The following RPS6KC1 variants were observed in gnomAD, a reference collection of about 807,000 sequenced individuals.
The protein encoded by RPS6KC1 is inactive ribosomal protein S6 kinase delta-1.
Under a neutral mutation model 103.8 loss-of-function variants are expected in RPS6KC1, and 54 were observed. The observed-to-expected ratio is 0.52, with a 90% CI of 0.42 to 0.65. The LOEUF (loss-of-function observed/expected upper bound fraction) is 0.65, where lower values mean the gene tolerates loss of function less well. Among genes scored for constraint, RPS6KC1 ranks in the 30% least tolerant of loss-of-function variants. The probability of loss-of-function intolerance (pLI) is 0.00; values close to 1 mark genes in which losing one functional copy is unlikely to be tolerated. For missense variants in RPS6KC1, 1,151 were observed against 1,253.8 expected, an observed-to-expected ratio of 0.92 and a Z score of 1.24; for synonymous variants, 439 against 438.7, an observed-to-expected ratio of 1.00 and a Z score of -0.01.
the RPS6KC1 span, among the ~76,000 whole-genome samples, chr1:213,610,635 C>T: frequency 4.6e-5 from 7 of 152,162 alleles, no homozygotes; most frequent in Non-Finnish European, 1.0e-4. Flanking sequence ...AAGTTTATTC[C>T]TATCCTGGAA....
intron 6 of RPS6KC1, among the ~76,000 whole-genome samples, chr1:213,140,338 T>A (rs1218058999): frequency 6.6e-6 from 1 of 152,136 alleles, no homozygotes; most frequent in Non-Finnish European, 1.5e-5. Context: ...TTCTTTGTCT[T>A]GCCTGATTGT....
intron 5 of RPS6KC1, among the ~76,000 whole-genome samples, chr1:213,124,815 G>A (rs1021559177): frequency 6.6e-6 from 1 of 152,068 alleles, no homozygotes; most frequent in Non-Finnish European, 1.5e-5. Context: ...TGTGGTCGAG[G>A]AGATATGGTA....
the RPS6KC1 span, among the ~76,000 whole-genome samples, chr1:213,292,295 A>G: frequency 6.6e-6 from 1 of 152,136 alleles, no homozygotes. Context: ...AAAACAAAAA[A>G]AACATGTTGA....
intron 6 of RPS6KC1, among the ~76,000 whole-genome samples, chr1:213,167,440 ACAC>A (rs2091066017): frequency 4.1e-5 from 1 of 24,216 alleles, no homozygotes; most frequent in Admixed American, 6.1e-4. Flanking sequence ...AAGGTTGAAA[ACAC>A]ACACACACAC....
At chr1:213,809,008 T>C in the RPS6KC1 span, among the ~76,000 whole-genome samples, 1 of 152,260 alleles carries the variant, frequency 6.6e-6, no homozygotes, top group South Asian at 2.1e-4. Flanking sequence ...TTCCTTGCAT[T>C]CACAACTTCT....
intron 1 of RPS6KC1, among the ~76,000 whole-genome samples, chr1:213,056,620 G>A (rs189814114): frequency 2.6e-5 from 4 of 152,142 alleles, no homozygotes; most frequent in Non-Finnish European, 4.4e-5. Flanking sequence ...GCTTCAAATC[G>A]AAGCACTATT....
the RPS6KC1 span, among the ~76,000 whole-genome samples, chr1:213,740,151 T>C: frequency 6.6e-6 from 1 of 152,156 alleles, no homozygotes; most frequent in African/African-American, 2.4e-5. Context: ...CATTTTCTTT[T>C]GAGTATCACA....
chr1:213,801,783 G>A, the RPS6KC1 span, among the ~76,000 whole-genome samples: 1 of 152,204 alleles, frequency 6.6e-6, no homozygotes, highest in Non-Finnish European at 1.5e-5. Flanking sequence ...AAAGATAGGA[G>A]CCAAGGATTT....
At chr1:213,198,077 A>G (rs1164090523) in intron 8 of RPS6KC1, among the ~76,000 whole-genome samples, 1 of 151,598 alleles carries the variant, frequency 6.6e-6, no homozygotes, top group Non-Finnish European at 1.5e-5. Context: ...AGAAGGTTGT[A>G]TTTTGGTGTA....
the RPS6KC1 span, among the ~76,000 whole-genome samples, chr1:213,691,006 A>G: frequency 6.6e-6 from 1 of 151,960 alleles, no homozygotes; most frequent in Non-Finnish European, 1.5e-5. Context: ...AGCAAGAGAG[A>G]GTGTGAGAGA....
the RPS6KC1 span, among the ~76,000 whole-genome samples, chr1:213,545,092 G>A: frequency 7.6e-4 from 115 of 152,242 alleles, no homozygotes; most frequent in Non-Finnish European, 1.4e-3. Flanking sequence ...TCAGCTGGGC[G>A]CTCTGGCTAA....
At chr1:213,421,995 C>G in the RPS6KC1 span, among the ~76,000 whole-genome samples, 5,822 of 152,308 alleles carry the variant, frequency 0.038, 125 homozygotes, top group African/African-American at 0.057. Context: ...ACTAAACTTA[C>G]TCACTTTTTT....
At chr1:213,172,145 C>T (rs1468558760) in intron 7 of RPS6KC1, among the ~76,000 whole-genome samples, 1 of 152,110 alleles carries the variant, frequency 6.6e-6, no homozygotes. Flanking sequence ...TTCTTTTTAA[C>T]AAGATCATCA....
At chr1:213,714,945 AG>A in the RPS6KC1 span, among the ~76,000 whole-genome samples, 1 of 152,166 alleles carries the variant, frequency 6.6e-6, no homozygotes, top group African/African-American at 2.4e-5. Context: ...TCTGTAGGGT[AG>A]GAGCAGGAGG....
At chr1:213,821,120 G>C in the RPS6KC1 span, 1 of 152,270 alleles carries the variant, frequency 6.6e-6, no homozygotes, top group Non-Finnish European at 1.5e-5. Flanking sequence ...GCTTTCTCAA[G>C]AACCCCATCT....
At chr1:213,585,208 A>C in the RPS6KC1 span, among the ~76,000 whole-genome samples, 4 of 152,140 alleles carry the variant, frequency 2.6e-5, no homozygotes, top group African/African-American at 9.7e-5. Context: ...CGCTCAGTGA[A>C]TGTCAGGTGA....
the RPS6KC1 span, among the ~76,000 whole-genome samples, chr1:213,339,428 G>C: frequency 6.6e-6 from 1 of 152,194 alleles, no homozygotes; most frequent in African/African-American, 2.4e-5. Flanking sequence ...ACCCAGCTGA[G>C]CCTGGTCCAA....
the RPS6KC1 span, among the ~76,000 whole-genome samples, chr1:213,843,009 A>C: frequency 2.6e-5 from 4 of 152,186 alleles, no homozygotes; most frequent in Non-Finnish European, 5.9e-5. Context: ...CTGGCAAATC[A>C]GTAGAGGACA....
At chr1:213,807,340 G>A in the RPS6KC1 span, among the ~76,000 whole-genome samples, 2 of 152,136 alleles carry the variant, frequency 1.3e-5, no homozygotes, top group Non-Finnish European at 2.9e-5. Flanking sequence ...TTGCTAGATT[G>A]GGGAATTTCT....
Sources: gnomAD v4.1 joint callset for allele counts (sites outside exome capture counted in the v4.1 genomes callset) on GRCh38, gnomAD v4.1.1 for gene constraint, MANE v1.5 for transcripts, NCBI Gene and HGNC (gene_info 2026-07-23, HGNC 2026-07-21) for gene names.